The following PCDHA4 variants were observed in gnomAD, a reference collection of about 807,000 sequenced individuals.
PCDHA4 encodes the protein protocadherin alpha-4.
Under a neutral mutation model 61.4 loss-of-function variants are expected in PCDHA4, and 49 were observed. The observed-to-expected ratio is 0.80, with a 90% CI of 0.63 to 1.01. PCDHA4 has a LOEUF of 1.01. PCDHA4 is among the 50% of genes least tolerant of loss of function. The probability of loss-of-function intolerance (pLI) is 0.00; values close to 1 mark genes in which losing one functional copy is unlikely to be tolerated. For synonymous variants in PCDHA4, 590 were observed against 550.3 expected (o/e 1.07, Z -1.01); for missense variants, 1,254 against 1,235.8 (o/e 1.01, Z -0.22).
intron 1 of PCDHA4, among the ~76,000 whole-genome samples, chr5:140,933,506 G>A (rs2089196836): frequency 6.6e-6 from 1 of 151,944 alleles, no homozygotes; most frequent in Non-Finnish European, 1.5e-5. Flanking sequence ...GTTAAGCAAA[G>A]ACTACAGCTG....
chr5:140,859,198 T>C lies in PCDHA4; in HGVS notation c.2385+49626T>C, dbSNP rs1554152210. 2.0e-5 allele frequency: 3 copies of C among 149,984 alleles called. 1 individual carries two copies. The highest frequency in any genetic ancestry group is 7.3e-5 in the African/African-American group (3 of 40,916). The allele number at this position is 149,984 out of a possible 1,614,324, so 9.3% of individuals were successfully genotyped here. A position where few individuals can be genotyped will look rare whatever the true frequency, so the allele number is the denominator to read the frequency against. ...CAGCATTAGGCATTGCTTATGATAT[T>C]CAGGTATTAGCTCTTTCACTTTAAG... On this transcript the variant is annotated intron_variant, in intron 1 of 3. Coordinates refer to ENST00000530339, the MANE Select transcript of PCDHA4 (RefSeq NM_018907.4).
intron 1 of PCDHA4, chr5:140,835,744 C>A: frequency 1.2e-6 from 2 of 1,613,652 alleles, no homozygotes; most frequent in Non-Finnish European, 1.7e-6. Context: ...AACGCCCCGG[C>A]GTTCGCGCAG....
At position 140,838,075 on chromosome 5, in the gene PCDHA4, A is replaced by AGTG. The variant is rs781914509; in HGVS notation, c.2385+28503_2385+28504insGTG. Among the ~76,000 whole-genome samples the AGTG allele has an allele frequency of 1.4e-3, 174 of 128,230 alleles. 2 individuals carry two copies. Among genetic ancestry groups the AGTG allele is most frequent in the Admixed American group, 2.8e-3 (34 of 12,302 alleles). 84.1% of individuals were successfully genotyped at this position (128,230 alleles called of 152,430 possible). ...GTTTTCCACTTTAAGTTATATATAT[A>AGTG]TAGTGTGTGTGTGTGTGTGTGTGTG... is the stretch of plus-strand genomic sequence containing the variant. On this transcript the variant is annotated intron_variant, in intron 1 of 3. Coordinates refer to ENST00000530339, the MANE Select transcript of PCDHA4 (RefSeq NM_018907.4).
At chr5:141,000,415 ATATATATTTTTT>A (rs1251582263) in intron 3 of PCDHA4, among the ~76,000 whole-genome samples, 1 of 87,388 alleles carries the variant, frequency 1.1e-5, no homozygotes, top group East Asian at 3.4e-4. Context: ...ATATATATAT[ATATATATTTTTT>A]TTTTTTTTTT....
chr5:140,857,554 G>T lies in PCDHA4; in HGVS notation c.2385+47982G>T, dbSNP rs782355772. On this transcript the variant is annotated intron_variant, in intron 1 of 3. Coordinates refer to ENST00000530339, the MANE Select transcript of PCDHA4 (RefSeq NM_018907.4). ...TGGAGCGGCGGTTGGGCGAGCGCTC[G>T]CTGTCGAGCTACGTGTCGGTGCACG... 1.1e-5 allele frequency: 18 copies of T among 1,596,768 alleles called. 1 individual carries two copies. Among genetic ancestry groups the T allele is most frequent in the East Asian group, 6.7e-5 (3 of 44,826 alleles).
intron 1 of PCDHA4, chr5:140,823,910 T>C: frequency 6.2e-7 from 1 of 1,613,972 alleles, no homozygotes. Flanking sequence ...CTGCTGGTGC[T>C]CACGCTGCTG....
intron 1 of PCDHA4, chr5:140,868,350 A>G (rs962248912): frequency 6.6e-6 from 1 of 152,186 alleles, no homozygotes; most frequent in East Asian, 1.9e-4. Flanking sequence ...ATAATCAGAA[A>G]GCAATTAAAT....
intron 1 of PCDHA4, chr5:140,829,946 C>G: frequency 2.5e-6 from 4 of 1,613,986 alleles, no homozygotes; most frequent in Non-Finnish European, 3.4e-6. Flanking sequence ...AAGCAGCGCT[C>G]GCTTCCCGTT....
At chr5:140,811,769 C>T (rs1554125810) in intron 1 of PCDHA4, 1 of 152,180 alleles carries the variant, frequency 6.6e-6, no homozygotes, top group African/African-American at 2.4e-5. Context: ...GGCATTTTTT[C>T]ATGTGTCTGT....
intron 1 of PCDHA4, chr5:140,871,557 T>C (rs2053187983): frequency 1.3e-6 from 2 of 1,489,740 alleles, no homozygotes. Flanking sequence ...AATCCAGTTT[T>C]TTTTCACGGA....
intron 1 of PCDHA4, chr5:140,821,985 C>CG: frequency 6.2e-7 from 1 of 1,614,156 alleles, no homozygotes; most frequent in South Asian, 1.1e-5. Context: ...CCAAGGGCCG[C>CG]GGGGACCTTC....
At chr5:140,835,810 C>T (rs2150245361) in intron 1 of PCDHA4, 3 of 1,612,990 alleles carry the variant, frequency 1.9e-6, no homozygotes, top group Non-Finnish European at 2.5e-6. Flanking sequence ...CACATCTTCA[C>T]TGTGTCGGCG....
chr5:140,881,446 TC>T, intron 1 of PCDHA4: 1 of 787,056 alleles, frequency 1.3e-6, no homozygotes, highest in Non-Finnish European at 1.5e-6. Flanking sequence ...AAAAACAGAA[TC>T]CAAAACCTTA....
intron 1 of PCDHA4, among the ~76,000 whole-genome samples, chr5:140,924,437 T>C (rs2081836231): frequency 6.6e-6 from 1 of 152,206 alleles, no homozygotes; most frequent in Non-Finnish European, 1.5e-5. Flanking sequence ...CTAGAAGAGA[T>C]AACGAATGGG....
intron 1 of PCDHA4, chr5:140,843,699 T>C: frequency 6.3e-7 from 1 of 1,582,804 alleles, no homozygotes; most frequent in Non-Finnish European, 8.7e-7. Flanking sequence ...GATTTAAATG[T>C]TGATCATGGC....
chr5:140,833,764 A>ACACACG (rs564524139), intron 1 of PCDHA4, among the ~76,000 whole-genome samples: 1 of 151,920 alleles, frequency 6.6e-6, no homozygotes, highest in African/African-American at 2.4e-5. Flanking sequence ...ACACACACAC[A>ACACACG]CACCGCTTTC....
In PCDHA4 at chr5:140,874,725, T is replaced by C. The variant is rs181567985; in HGVS notation, c.2385+65153T>C. Among the ~76,000 whole-genome samples, 426 of 152,372 alleles carry C rather than the reference T, an allele frequency of 2.8e-3. 2 individuals are homozygous for C. Among genetic ancestry groups the C allele is most frequent in the Middle Eastern group, 0.014 (4 of 294 alleles). On this transcript the variant is annotated intron_variant, in intron 1 of 3. Transcript: ENST00000530339. The stretch of plus-strand genomic sequence containing the variant: ...ATGAGAGCAGTTATGTGAAAAGTTA[T>C]CACATTCAAGCATCAAGGAACCAAA...
chr5:140,861,631 C>T, intron 1 of PCDHA4: 1 of 315,060 alleles, frequency 3.2e-6, no homozygotes, highest in Non-Finnish European at 6.4e-6. Flanking sequence ...GTGTTCTCAG[C>T]AACACAAAAG....
At chr5:140,982,417 GA>G (rs1554244117) in intron 2 of PCDHA4, 57 bp from the exon 3 acceptor site, 1 of 1,610,428 alleles carries the variant, frequency 6.2e-7, no homozygotes, top group African/African-American at 1.3e-5. Flanking sequence ...GAGGGTGGAA[GA>G]AGAGATGGGA....
Sources: allele counts gnomAD v4.1 joint callset (sites outside exome capture counted in the v4.1 genomes callset), GRCh38; gene constraint gnomAD v4.1.1; transcripts MANE v1.5; gene names NCBI Gene and HGNC (gene_info 2026-07-23, HGNC 2026-07-21).